The following RNF121 variants were observed in gnomAD, a reference collection of about 807,000 sequenced individuals.
RNF121 encodes the protein E3 ubiquitin ligase RNF121.
A neutral mutation model predicts 46.5 loss-of-function variants in RNF121; 21 were observed. The observed-to-expected ratio is 0.45, with a 90% CI of 0.32 to 0.65. The LOEUF is 0.65. RNF121 is among the 30% of genes least tolerant of loss of function. The probability of loss-of-function intolerance (pLI) is 0.04; values close to 1 mark genes in which losing one functional copy is unlikely to be tolerated. For synonymous variants in RNF121, 139 were observed against 144.7 expected, an observed-to-expected ratio of 0.96 and a Z score of 0.28; for missense variants, 346 against 416.0, an observed-to-expected ratio of 0.83 and a Z score of 1.46.
At position 71,967,337 on chromosome 11, in the gene RNF121, TGG is replaced by T. The variant is rs1225289395; in HGVS notation, c.243+6448_243+6449del. On this transcript the variant is annotated intron_variant, in intron 3 of 8. Transcript: ENST00000361756. ...CCTACTTTGGAAGGTAATAATTATG[TGG>T]GTTTTTTTTGTTTTTTTTTTTTTTT... Among the ~76,000 whole-genome samples, 556 of 133,032 alleles carry T rather than the reference TGG, an allele frequency of 4.2e-3. 2 individuals are homozygous for T. The highest frequency in any genetic ancestry group is 0.014 in the African/African-American group (528 of 37,496). 87.3% of individuals were successfully genotyped at this position (133,032 alleles called of 152,430 possible). A position where few individuals can be genotyped will look rare whatever the true frequency, so the allele number is the denominator to read the frequency against.
In RNF121 at chr11:71,934,938, A is replaced by ACTTTT. The variant is rs780793577; in HGVS notation, c.63+5814_63+5815insCTTTT. Among the ~76,000 whole-genome samples the ACTTTT allele has an allele frequency of 3.4e-5, 5 of 145,100 alleles. 2 individuals are homozygous for ACTTTT. The highest frequency in any genetic ancestry group is 3.0e-5 in the Non-Finnish European group (2 of 67,046). ...GTCCTGTGCCAAGTGTTCCAAATGC[A>ACTTTT]TTCTTTTTTTTTTTTTTTTTTTTTA... On this transcript the variant is annotated intron_variant, in intron 1 of 8. Coordinates refer to ENST00000361756, the MANE Select transcript of RNF121 (RefSeq NM_018320.5).
intron 5 of RNF121, among the ~76,000 whole-genome samples, chr11:71,987,343 C>G (rs187518509): frequency 6.6e-6 from 1 of 152,240 alleles, no homozygotes; most frequent in African/African-American, 2.4e-5. Context: ...TTTTCCAAGG[C>G]TTTATATTTT....
At chr11:71,938,268 T>A (rs902752431) in intron 1 of RNF121, among the ~76,000 whole-genome samples, 1 of 151,934 alleles carries the variant, frequency 6.6e-6, no homozygotes, top group African/African-American at 2.4e-5. Context: ...TAGTGCGTAC[T>A]ATGTGCCAGG....
At chr11:71,951,489 C>T (rs1016871425) in intron 1 of RNF121, among the ~76,000 whole-genome samples, 1 of 152,022 alleles carries the variant, frequency 6.6e-6, no homozygotes, top group East Asian at 1.9e-4. Flanking sequence ...GAGGTAGTCT[C>T]AGCTACTTGG....
intron 3 of RNF121, among the ~76,000 whole-genome samples, chr11:71,966,922 A>G (rs2134184786): frequency 6.8e-6 from 1 of 147,130 alleles, no homozygotes; most frequent in African/African-American, 2.5e-5. Flanking sequence ...CGGACTGCGG[A>G]CTGCAGAGGC....
chr11:71,983,335 A>G (rs1036420246), intron 4 of RNF121, among the ~76,000 whole-genome samples: 1 of 152,152 alleles, frequency 6.6e-6, no homozygotes, highest in Non-Finnish European at 1.5e-5. Context: ...TATCTCCCTC[A>G]CTAAACTCTA....
chr11:71,971,305 G>C (rs1954415710), intron 3 of RNF121, among the ~76,000 whole-genome samples: 1 of 152,152 alleles, frequency 6.6e-6, no homozygotes, highest in African/African-American at 2.4e-5. Context: ...GATCACTTGA[G>C]CCCAAGAGTT....
chr11:71,949,045 T>G (rs1953798557), intron 1 of RNF121, among the ~76,000 whole-genome samples: 1 of 152,202 alleles, frequency 6.6e-6, no homozygotes, highest in South Asian at 2.1e-4. Context: ...TATTTAATAG[T>G]CTGTCTCTCC....
chr11:71,988,172 G>A (rs78115570), intron 5 of RNF121, among the ~76,000 whole-genome samples: 4,940 of 152,260 alleles, frequency 0.032, 76 homozygotes, highest in East Asian at 0.077. Flanking sequence ...AATTTTGGCT[G>A]TTGCTTCAGT....
At chr11:71,989,346 T>C (rs1225226325) in intron 5 of RNF121, among the ~76,000 whole-genome samples, 2 of 152,182 alleles carry the variant, frequency 1.3e-5, no homozygotes, top group Admixed American at 6.5e-5. Context: ...CTCCCATAAG[T>C]GTTAGGATTA....
At chr11:71,950,954 G>A (rs1265740211) in intron 1 of RNF121, among the ~76,000 whole-genome samples, 2 of 152,086 alleles carry the variant, frequency 1.3e-5, no homozygotes, top group African/African-American at 4.8e-5. Flanking sequence ...GCTGGGTATG[G>A]TGGCCCACAC....
In RNF121 at chr11:71,944,272, G is replaced by A. The variant is rs61174237; in HGVS notation, c.64-12955G>A. 4.0e-3 allele frequency among the ~76,000 whole-genome samples: 614 copies of A among 152,278 alleles called. 9 individuals are homozygous for A. Among genetic ancestry groups the A allele is most frequent in the African/African-American group, 0.014 (592 of 41,548 alleles). ...CACTTAAAGCTAGGAGGTGGAGGTTGCAGTGAGCCGAGATTGTGCCACTGC... is the reference window on the plus strand; with the variant it reads ...CACTTAAAGCTAGGAGGTGGAGGTTACAGTGAGCCGAGATTGTGCCACTGC... On this transcript the variant is annotated intron_variant, in intron 1 of 8. Coordinates refer to ENST00000361756, the MANE Select transcript of RNF121 (RefSeq NM_018320.5).
intron 3 of RNF121, among the ~76,000 whole-genome samples, chr11:71,981,465 G>A (rs886178086): frequency 2.0e-5 from 3 of 151,984 alleles, no homozygotes; most frequent in African/African-American, 7.3e-5. Context: ...TTTGTTGATG[G>A]CATCAGGAAG....
At chr11:71,982,717 A>G (rs1323428100) in intron 3 of RNF121, 44 bp from the exon 4 acceptor site, 2 of 1,563,350 alleles carry the variant, frequency 1.3e-6, no homozygotes, top group Non-Finnish European at 1.7e-6. Flanking sequence ...ACAGAGCTGC[A>G]GAGGGAGCTG....
intron 1 of RNF121, among the ~76,000 whole-genome samples, chr11:71,955,157 G>A (rs761748054): frequency 3.9e-5 from 6 of 152,152 alleles, no homozygotes; most frequent in Admixed American, 2.0e-4. Flanking sequence ...GCAAGTGCAG[G>A]GTAGGTACCT....
chr11:71,993,942 G>A (rs957374890), intron 6 of RNF121, among the ~76,000 whole-genome samples: 11 of 150,356 alleles, frequency 7.3e-5, no homozygotes, highest in East Asian at 2.0e-4. Flanking sequence ...CCGGGTTCAC[G>A]CCATTCTCCT....
At chr11:71,940,852 T>C (rs1004388407) in intron 1 of RNF121, among the ~76,000 whole-genome samples, 1 of 152,240 alleles carries the variant, frequency 6.6e-6, no homozygotes, top group Non-Finnish European at 1.5e-5. Context: ...AGAAGATGTT[T>C]TGAGTTTGTT....
At chr11:71,946,226 C>T (rs905339747) in intron 1 of RNF121, among the ~76,000 whole-genome samples, 1 of 152,138 alleles carries the variant, frequency 6.6e-6, no homozygotes, top group African/African-American at 2.4e-5. Flanking sequence ...TGTCTATCCT[C>T]TGATGAAAGG....
At chr11:71,960,955 T>C in intron 3 of RNF121, 64 bp downstream of exon 3, 1 of 1,574,356 alleles carries the variant, frequency 6.4e-7, no homozygotes, top group Non-Finnish European at 8.6e-7. Flanking sequence ...CTAAGTATTC[T>C]AGGTCCCAGC....
Sources: allele counts gnomAD v4.1 joint callset (sites outside exome capture counted in the v4.1 genomes callset), GRCh38; gene constraint gnomAD v4.1.1; transcripts MANE v1.5; gene names NCBI Gene and HGNC (gene_info 2026-07-23, HGNC 2026-07-21).